M1AP: variants seen among roughly 807,000 people sequenced by gnomAD.
M1AP encodes the protein meiosis 1 arrest protein.
In M1AP, 39 loss-of-function variants were observed where a neutral mutation model predicts 51.2. The ratio of observed to expected loss-of-function variants is 0.76; its 90% confidence interval spans 0.59 to 1.00. M1AP has a LOEUF of 1.00. Ranked by LOEUF, M1AP falls within the 50% of genes least tolerant of loss-of-function variation. The probability of loss-of-function intolerance (pLI) is 0.00; values close to 1 mark genes in which losing one functional copy is unlikely to be tolerated. For missense variants in M1AP, 545 were observed against 641.2 expected, an observed-to-expected ratio of 0.85 and a Z score of 1.62; for synonymous variants, 251 against 249.2, an observed-to-expected ratio of 1.01 and a Z score of -0.07.
chr2:74,623,906 A>C (rs1187638216), intron 2 of M1AP, among the ~76,000 whole-genome samples: 1 of 152,244 alleles, frequency 6.6e-6, no homozygotes, highest in Non-Finnish European at 1.5e-5. Flanking sequence ...TCATGCGCTC[A>C]AGCGATCCTC....
At chr2:74,578,140 C>A (rs954790793) in intron 5 of M1AP, among the ~76,000 whole-genome samples, 3 of 152,184 alleles carry the variant, frequency 2.0e-5, no homozygotes, top group African/African-American at 7.2e-5. Flanking sequence ...TCCTGCTGAT[C>A]CAGTTCCTAA....
At chr2:74,633,375 C>T (rs1181029906) in intron 2 of M1AP, among the ~76,000 whole-genome samples, 1 of 152,182 alleles carries the variant, frequency 6.6e-6, no homozygotes, top group Admixed American at 6.5e-5. Flanking sequence ...CTCTTAATGT[C>T]TGATCATTCT....
chr2:74,631,235 C>T (rs1304254409), intron 2 of M1AP, among the ~76,000 whole-genome samples: 1 of 152,100 alleles, frequency 6.6e-6, no homozygotes, highest in Non-Finnish European at 1.5e-5. Context: ...TTTAGAAAAT[C>T]ACTTTACTGT....
At chr2:74,597,033 T>C (rs78866756) in intron 4 of M1AP, among the ~76,000 whole-genome samples, 9,255 of 152,248 alleles carry the variant, frequency 0.061, 834 homozygotes, top group African/African-American at 0.2. Flanking sequence ...ATCGTGATGA[T>C]GATTTGTGGG....
chr2:74,629,471 G>C (rs1682581101), intron 2 of M1AP, among the ~76,000 whole-genome samples: 1 of 152,172 alleles, frequency 6.6e-6, no homozygotes, highest in Non-Finnish European at 1.5e-5. Flanking sequence ...ATGTTGTATA[G>C]GCTGGGCGCG....
intron 4 of M1AP, among the ~76,000 whole-genome samples, chr2:74,604,872 C>G (rs1322225558): frequency 6.6e-6 from 1 of 152,056 alleles, no homozygotes; most frequent in African/African-American, 2.4e-5. Context: ...TACGTAGGAC[C>G]ACTCCACACT....
intron 1 of M1AP, among the ~76,000 whole-genome samples, chr2:74,644,674 T>C (rs1457512822): frequency 6.6e-6 from 1 of 152,180 alleles, no homozygotes; most frequent in Non-Finnish European, 1.5e-5. Context: ...GAGTTCCAAT[T>C]ACGTGCTGGA....
At chr2:74,617,304 T>G (rs1681724775) in intron 2 of M1AP, among the ~76,000 whole-genome samples, 1 of 152,252 alleles carries the variant, frequency 6.6e-6, no homozygotes, top group South Asian at 2.1e-4. Flanking sequence ...TGATGTCATA[T>G]AGGGTGTCAT....
chr2:74,644,196 A>G (rs1226078518), intron 1 of M1AP, among the ~76,000 whole-genome samples: 7 of 152,364 alleles, frequency 4.6e-5, no homozygotes, highest in Admixed American at 4.6e-4. Flanking sequence ...GATAATTATG[A>G]TAATTTTCAG....
At position 74,576,568 on chromosome 2, in the gene M1AP, C is replaced by A; in HGVS notation, c.820G>T (p.Ala274Ser). 1.2e-6 allele frequency: 2 copies of A among 1,614,068 alleles called. No homozygotes were observed. The highest frequency in any genetic ancestry group is 1.7e-6 in the Non-Finnish European group (2 of 1,179,970). The stretch of plus-strand genomic sequence containing the variant: ...CTCAAGGAGCCGTCAGCTGTGCCAG[C>A]GAGTAGGGATGGGCAGAGCAGTCGC... ...QERLLCPSLL[A>S]GTADGSLRMD... Residue 274 changes from alanine (A) to serine (S), a missense_variant, in exon 6 of 11, where the codon GCT (alanine) becomes TCT (serine). By Grantham distance (99) the Ala-to-Ser change is moderately conservative. Transcript: ENST00000421985.
At chr2:74,626,863 T>C (rs555717000) in intron 2 of M1AP, among the ~76,000 whole-genome samples, 2 of 152,360 alleles carry the variant, frequency 1.3e-5, no homozygotes, top group African/African-American at 2.4e-5. Context: ...TTGTATTCCA[T>C]TACAATCTGT....
At position 74,595,654 on chromosome 2, in the gene M1AP, T is replaced by G. The variant is rs545570799; in HGVS notation, c.595+11401A>C. 2.6e-5 allele frequency among the ~76,000 whole-genome samples: 4 copies of G among 152,300 alleles called. No individual in the cohort carries two copies. The South Asian group carries it at 8.3e-4, about 32-fold the overall frequency. ...GGCTAAAAGCAAAGATTTCAACACT[T>G]TTCTTGTGGAGTTTATGTAGATGTA... On this transcript the variant is annotated intron_variant, in intron 4 of 10. Transcript: ENST00000421985.
intron 1 of M1AP, chr2:74,647,428 T>C: frequency 3.0e-6 from 3 of 984,718 alleles, no homozygotes; most frequent in African/African-American, 1.7e-5. Context: ...CTATTAAAGA[T>C]TTCGTGGGCC....
intron 1 of M1AP, 35 bp downstream of exon 1, chr2:74,648,230 G>T: frequency 1.0e-6 from 1 of 974,674 alleles, no homozygotes; most frequent in Non-Finnish European, 1.2e-6. Context: ...CTGCTCTCGG[G>T]CTGCCCTCCC....
At chr2:74,601,382 A>G (rs974269761) in intron 4 of M1AP, among the ~76,000 whole-genome samples, 1 of 152,098 alleles carries the variant, frequency 6.6e-6, no homozygotes, top group African/African-American at 2.4e-5. Flanking sequence ...AAAGTAAATA[A>G]TATCAATAAT....
chr2:74,579,411 A>G (rs1679271061), intron 5 of M1AP, among the ~76,000 whole-genome samples: 1 of 152,192 alleles, frequency 6.6e-6, no homozygotes, highest in Admixed American at 6.5e-5. Context: ...GTTTATTGAC[A>G]TTGTCTGGGC....
rs1677648007 is a variant in M1AP, at chr2:74,558,356, A to C, written c.*360T>G. ...TTGTTCCTGAGGTCCAGTTTACCAA[A>C]GGTGATCTGACCTCATCCACCTGCT... On this transcript the variant is annotated 3_prime_UTR_variant, in exon 11 of 11. Coordinates refer to ENST00000421985, the MANE Select transcript of M1AP (RefSeq NM_001321739.2). 1 of 201,788 alleles carries C rather than the reference A, an allele frequency of 5.0e-6. No individual in the cohort carries two copies. Among genetic ancestry groups the C allele is most frequent in the African/African-American group, 2.4e-5 (1 of 42,186 alleles). 12.5% of individuals were successfully genotyped at this position (201,788 alleles called of 1,614,324 possible). A position where few individuals can be genotyped will look rare whatever the true frequency, so the allele number is the denominator to read the frequency against.
chr2:74,627,074 T>C (rs1356455589), intron 2 of M1AP, among the ~76,000 whole-genome samples: 1 of 152,206 alleles, frequency 6.6e-6, no homozygotes, highest in South Asian at 2.1e-4. Context: ...CAAAAACGAA[T>C]GGCTTTTTAT....
At chr2:74,600,175 A>G (rs912960859) in intron 4 of M1AP, among the ~76,000 whole-genome samples, 10 of 152,332 alleles carry the variant, frequency 6.6e-5, no homozygotes, top group Admixed American at 5.9e-4. Context: ...ATCTCAACTG[A>G]AAAACCCTGG....
Sources: allele counts gnomAD v4.1 joint callset (sites outside exome capture counted in the v4.1 genomes callset), GRCh38; gene constraint gnomAD v4.1.1; transcripts MANE v1.5; gene names NCBI Gene and HGNC (gene_info 2026-07-23, HGNC 2026-07-21).